Variants in AKAP1 observed in about 807,000 individuals in gnomAD.
The protein encoded by AKAP1 is A-kinase anchor protein 1, mitochondrial.
AKAP1 carries 32 observed loss-of-function variants against 79.8 expected under a neutral mutation model. The observed-to-expected ratio is 0.40, with a 90% CI of 0.30 to 0.54. The LOEUF is 0.54. Among genes scored for constraint, AKAP1 ranks in the 20% least tolerant of loss-of-function variants. The pLI is 0.47. For synonymous variants in AKAP1, 416 were observed against 466.7 expected, an observed-to-expected ratio of 0.89 and a Z score of 1.40; for missense variants, 961 against 1,138.9, an observed-to-expected ratio of 0.84 and a Z score of 2.25.
chr17:57,112,157 G>GT (rs1915286731), intron 4 of AKAP1, among the ~76,000 whole-genome samples: 1 of 152,036 alleles, frequency 6.6e-6, no homozygotes, highest in Non-Finnish European at 1.5e-5. Context: ...TGCTTGGTTG[G>GT]GCGGGGCCTG....
Position 57,116,257 on chromosome 17 carries a change from A to G in AKAP1, c.2428A>G (p.Ile810Val), listed in dbSNP as rs1232194515. Residue 810 changes from isoleucine to valine, a missense_variant, in exon 7 of 11, where the codon ATC (isoleucine) becomes GTC (valine). Around this residue, in one of 3 missense-constraint regions of AKAP1, gnomAD observed 629 missense variants for 781.1 expected, o/e 0.81. Coordinates refer to ENST00000337714, the MANE Select transcript of AKAP1 (RefSeq NM_003488.4). ...KRVKVDVLRQ[I>V]RSDFVTLPFQ... is the part of the protein sequence containing the mutation. ...GGTGAAAGTAGACGTGCTCCGGCAA[A>G]TCAGGTGAGCGGAGATGCCTCAGGC... is the stretch of plus-strand genomic sequence containing the variant. 5 of 1,613,950 alleles carry G rather than the reference A, an allele frequency of 3.1e-6. No homozygotes were observed. Among genetic ancestry groups the G allele is most frequent in the Non-Finnish European group, 4.2e-6 (5 of 1,180,010 alleles).
intron 1 of AKAP1, among the ~76,000 whole-genome samples, chr17:57,097,145 T>C (rs941605715): frequency 1.3e-5 from 2 of 152,204 alleles, no homozygotes; most frequent in Non-Finnish European, 2.9e-5. Context: ...TGGGACTCAC[T>C]GTTCCCTCCC....
intron 1 of AKAP1, among the ~76,000 whole-genome samples, chr17:57,090,272 A>G (rs1443501566): frequency 6.6e-6 from 1 of 151,842 alleles, no homozygotes; most frequent in African/African-American, 2.4e-5. Flanking sequence ...GCCAGGCAGC[A>G]TAAAGGACAC....
rs1341461807 is a variant in AKAP1 at position 57,106,622 on chromosome 17, A to G, written c.1158A>G (p.Glu386=). Reference sequence around the variant, plus strand: ...CCAGTCAGCTCCAAGGGCAGAAGGAAGAGAGCTGTGTCCCAGTTCACCAGA... The same window carrying G: ...CCAGTCAGCTCCAAGGGCAGAAGGAGGAGAGCTGTGTCCCAGTTCACCAGA... The part of the protein sequence containing the change: ...CQASQLQGQK[E]ESCVPVHQKT... The change falls in exon 2 of 11, where the codon GAA becomes GAG. Residue 386 remains glutamate, a synonymous_variant. Transcript: ENST00000337714. The G allele has an allele frequency of 4.3e-6, 7 of 1,614,184 alleles. No individual in the cohort carries two copies. The highest frequency in any genetic ancestry group is 4.5e-5 in the East Asian group (2 of 44,880).
In AKAP1 at chr17:57,105,621, G is replaced by T. The variant is rs748672089; in HGVS notation, c.157G>T (p.Ala53Ser). ...AGAVQLRADP[A>S]IKEPLPVEDV... ...TGCTGTGCAGCTGAGGGCTGACCCT[G>T]CCATCAAGGAACCTCTCCCCGTGGA... is the stretch of plus-strand genomic sequence containing the variant. Residue 53 changes from alanine (A) to serine (S), a missense_variant, in exon 2 of 11, where the codon GCC (alanine) becomes TCC (serine). By Grantham distance (99) the Ala-to-Ser change is moderately conservative. Around this residue, in one of 3 missense-constraint regions of AKAP1, gnomAD observed 108 missense variants for 147.6 expected, o/e 0.73. Coordinates refer to ENST00000337714, the MANE Select transcript of AKAP1 (RefSeq NM_003488.4). The T allele has an allele frequency of 6.2e-7, 1 of 1,613,998 alleles. No homozygotes were observed. Among genetic ancestry groups the T allele is most frequent in the Non-Finnish European group, 8.5e-7 (1 of 1,180,022 alleles).
At chr17:57,118,596 T>G in intron 9 of AKAP1, 142 bp downstream of exon 9, 1 of 770,896 alleles carries the variant, frequency 1.3e-6, no homozygotes, top group South Asian at 1.7e-5. Context: ...ATACTTGATA[T>G]TAGTCTGTTC....
intron 10 of AKAP1, 77 bp from the exon 11 acceptor site, chr17:57,120,173 G>C (rs1217437573): frequency 2.6e-5 from 35 of 1,372,360 alleles, no homozygotes; most frequent in Non-Finnish European, 3.6e-5. Context: ...CAACCGGGGA[G>C]GGGAGAACTC....
chr17:57,110,191 G>A (rs770372168), intron 3 of AKAP1, 33 bp downstream of exon 3: 1 of 1,611,574 alleles, frequency 6.2e-7, no homozygotes, highest in South Asian at 1.1e-5. Context: ...TGGTTCTGTG[G>A]TAAGCCCAAA....
chr17:57,113,186 C>T (rs1305535942), intron 5 of AKAP1, among the ~76,000 whole-genome samples: 1 of 152,198 alleles, frequency 6.6e-6, no homozygotes, highest in Non-Finnish European at 1.5e-5. Flanking sequence ...GGAAGAGCTG[C>T]TATCTCCAGG....
Position 57,112,417 on chromosome 17 carries a change from G to A in AKAP1, c.1976-74G>A, listed in dbSNP as rs1249621136. 2.6e-6 allele frequency: 4 copies of A among 1,554,386 alleles called. No individual in the cohort carries two copies. The African/African-American group carries it at 5.4e-5, about 21-fold the overall frequency. On this transcript the variant is annotated intron_variant, in intron 4 of 10. Transcript: ENST00000337714. ...AAAGTCCAGTGGAGTGGGGTCTGTG[G>A]CTGTGTTTTTGTGAGTGTGGGTGTG... is the stretch of plus-strand genomic sequence containing the variant.
At chr17:57,097,868 T>C (rs1241380871) in intron 1 of AKAP1, among the ~76,000 whole-genome samples, 1 of 152,244 alleles carries the variant, frequency 6.6e-6, no homozygotes, top group East Asian at 1.9e-4. Flanking sequence ...GGCACTTGGC[T>C]CCTAAGCTGT....
intron 10 of AKAP1, 39 bp downstream of exon 10, chr17:57,119,083 CG>C: frequency 1.9e-6 from 3 of 1,599,770 alleles, no homozygotes; most frequent in Non-Finnish European, 2.6e-6. Context: ...GTTGCTGGCC[CG>C]AAGTAATGGA....
intron 5 of AKAP1, among the ~76,000 whole-genome samples, chr17:57,113,920 T>C (rs1416971617): frequency 6.6e-6 from 1 of 152,148 alleles, no homozygotes; most frequent in Non-Finnish European, 1.5e-5. Context: ...AGGCCACTGC[T>C]TGCTCTTGGG....
At chr17:57,103,817 C>T (rs1431064299) in intron 1 of AKAP1, among the ~76,000 whole-genome samples, 1 of 152,202 alleles carries the variant, frequency 6.6e-6, no homozygotes. Context: ...CTTTCTATAT[C>T]TCAGCTAATC....
chr17:57,106,915 A>T lies in AKAP1; in HGVS notation c.1451A>T (p.Asp484Val), dbSNP rs746116734. Residue 484 changes from aspartate (D) to valine (V), a missense_variant, in exon 2 of 11, where the codon GAT becomes GTT. Asp to Val is a radical substitution (Grantham distance 152). This residue lies in a region of AKAP1 where 629 missense variants were observed against 781.1 expected (regional missense o/e 0.81). Coordinates refer to ENST00000337714, the MANE Select transcript of AKAP1 (RefSeq NM_003488.4). ...GACCGGGCAGGCATCCTGGTGGAAG[A>T]TGCCACCTGTGTCACCTGCATGTCA... ...LPDRAGILVEDATCVTCMSDS... is the reference protein window; with the variant it reads ...LPDRAGILVEVATCVTCMSDS... 1.2e-6 allele frequency: 2 copies of T among 1,613,962 alleles called. No homozygotes were observed. The highest frequency in any genetic ancestry group is 8.5e-7 in the Non-Finnish European group (1 of 1,179,810).
At chr17:57,120,204 C>T in intron 10 of AKAP1, 46 bp from the exon 11 acceptor site, 2 of 1,574,212 alleles carry the variant, frequency 1.3e-6, no homozygotes, top group Non-Finnish European at 1.7e-6. Context: ...GGGAGATGGC[C>T]CCAGGATGCC....
At chr17:57,116,770 A>G (rs1399759625) in intron 7 of AKAP1, 90 bp from the exon 8 acceptor site, 3 of 1,248,020 alleles carry the variant, frequency 2.4e-6, no homozygotes, top group Non-Finnish European at 3.5e-6. Context: ...ATCCCAGGTT[A>G]TGGGCGTCAC....
chr17:57,091,405 C>T (rs989883899), intron 1 of AKAP1, among the ~76,000 whole-genome samples: 1 of 151,416 alleles, frequency 6.6e-6, no homozygotes, highest in South Asian at 2.1e-4. Flanking sequence ...GCCACCGCCT[C>T]GTCAGGAGAG....
rs1339903028 is a variant in AKAP1 at position 57,114,541 on chromosome 17, C to T, written c.2186C>T (p.Thr729Ile). ...GGGCACCTGTTCGTGCAGCAGCACA[C>T]ACACCCTACCTTCCACGCGCTGCGC... ...NAGHLFVQQHTHPTFHALRSL... is the reference protein window; with the variant it reads ...NAGHLFVQQHIHPTFHALRSL... The change falls in exon 6 of 11, where the codon ACA (threonine) becomes ATA (isoleucine). Residue 729 changes from threonine (T) to isoleucine (I), a missense_variant. Thr to Ile is a moderately conservative substitution (Grantham distance 89). Around this residue, in one of 3 missense-constraint regions of AKAP1, gnomAD observed 629 missense variants for 781.1 expected, o/e 0.81. Transcript: ENST00000337714. 5.0e-6 allele frequency: 8 copies of T among 1,614,102 alleles called. No homozygotes were observed.
Sources: allele counts gnomAD v4.1 joint callset (sites outside exome capture counted in the v4.1 genomes callset), GRCh38; gene constraint gnomAD v4.1.1; regional missense constraint gnomAD v4.1.1; transcripts MANE v1.5; gene names NCBI Gene and HGNC (gene_info 2026-07-23, HGNC 2026-07-21).